Variants in SHROOM2 observed in about 807,000 individuals in gnomAD.
The protein encoded by SHROOM2 is protein Shroom2.
Under a neutral mutation model 75.9 loss-of-function variants are expected in SHROOM2, and 33 were observed. The ratio of observed to expected loss-of-function variants is 0.43; its 90% CI spans 0.33 to 0.58. The LOEUF is 0.58. Among genes scored for constraint, SHROOM2 ranks in the 20% least tolerant of loss-of-function variants. The pLI, the probability that SHROOM2 is intolerant of heterozygous loss-of-function variation, is 0.04. For missense variants in SHROOM2, 1,434 were observed against 1,461.2 expected (o/e 0.98, Z 0.30); for synonymous variants, 655 against 663.6 (o/e 0.99, Z 0.20).
At chrX:9,935,658 C>T (rs1469040960) in intron 6 of SHROOM2, among the ~76,000 whole-genome samples, 1 of 111,559 alleles carries the variant, frequency 9.0e-6, no homozygotes, top group Non-Finnish European at 1.9e-5. Context: ...TCATCTCAGC[C>T]TGAGCACCAC....
At position 9,947,982 on chromosome X, in the gene SHROOM2, G is replaced by T. The variant is rs1337433366; in HGVS notation, c.*1045G>T. On this transcript the variant is annotated 3_prime_UTR_variant, in exon 10 of 10. Transcript: ENST00000380913. ...TTAAAGATTCTATGCCCATTTCCTTGATTGAAATGGCAGGATTCTAAAGAG... is the reference window on the plus strand; with the variant it reads ...TTAAAGATTCTATGCCCATTTCCTTTATTGAAATGGCAGGATTCTAAAGAG... 1 of 112,222 alleles carries T rather than the reference G, an allele frequency of 8.9e-6. No individual in the cohort carries two copies. The highest frequency in any genetic ancestry group is 1.9e-5 in the Non-Finnish European group (1 of 53,282). The allele number at this position is 112,222 out of a possible 1,213,427, so 9.2% of individuals were successfully genotyped here. A position where few individuals can be genotyped will look rare whatever the true frequency, so the allele number is the denominator to read the frequency against.
Position 9,896,522 on chromosome X carries a change from A to C in SHROOM2, c.2614A>C (p.Thr872Pro). 1 of 1,210,726 alleles carries C rather than the reference A, an allele frequency of 8.3e-7. No homozygotes were observed. The highest frequency in any genetic ancestry group is 3.0e-5 in the East Asian group (1 of 33,822). The change falls in exon 4 of 10, where the codon ACC (threonine) becomes CCC (proline). Residue 872 changes from threonine (T) to proline (P), a missense_variant. Thr to Pro is a conservative substitution (Grantham distance 38). Around this residue, in one of 3 missense-constraint regions of SHROOM2, gnomAD observed 1,340 missense variants for 1,338.3 expected, o/e 1.00. Coordinates refer to ENST00000380913, the MANE Select transcript of SHROOM2 (RefSeq NM_001649.4). ...TTCAGACCTGCCGCGGAGGCTCGGC[A>C]CCTTTGCAGAGTATCAGGCCTCTTG... ...GTSDLPRRLG[T>P]FAEYQASWKE...
chrX:9,824,386 G>A (rs1197526683), intron 1 of SHROOM2, among the ~76,000 whole-genome samples: 1 of 111,133 alleles, frequency 9.0e-6, no homozygotes, highest in Non-Finnish European at 1.9e-5. Context: ...TGCAGTGAGC[G>A]GAGATCGCAC....
At chrX:9,927,315 A>C (rs1260424806) in intron 5 of SHROOM2, among the ~76,000 whole-genome samples, 4 of 88,025 alleles carry the variant, frequency 4.5e-5, no homozygotes, top group African/African-American at 1.7e-4. Flanking sequence ...ACGCTGCTGC[A>C]CTCCAGCCTG....
chrX:9,880,883 G>T (rs1026325968), intron 2 of SHROOM2, among the ~76,000 whole-genome samples: 1 of 111,670 alleles, frequency 9.0e-6, no homozygotes, highest in Non-Finnish European at 1.9e-5. Context: ...CTACGTCTTG[G>T]CTATCTGAAG....
At chrX:9,936,273 G>A (rs775765424) in intron 6 of SHROOM2, among the ~76,000 whole-genome samples, 6 of 109,460 alleles carry the variant, frequency 5.5e-5, no homozygotes, top group Admixed American at 2.9e-4. Flanking sequence ...CACCACACCC[G>A]GCTAATTTTT....
chrX:9,899,408 G>A (rs2084353656), intron 5 of SHROOM2, among the ~76,000 whole-genome samples: 1 of 111,766 alleles, frequency 8.9e-6, no homozygotes, highest in East Asian at 2.8e-4. Flanking sequence ...GTCCCCGGGT[G>A]TGGATTTTTC....
Position 9,912,242 on chromosome X carries a change from CACACACACAT to C in SHROOM2, c.2891+13954_2891+13963del, listed in dbSNP as rs1379630972. 5.9e-4 allele frequency among the ~76,000 whole-genome samples: 35 copies of C among 58,844 alleles called. 2 individuals are homozygous for C. Among genetic ancestry groups the C allele is most frequent in the African/African-American group, 2.3e-3 (35 of 15,511 alleles). 51.1% of individuals were successfully genotyped at this position (58,844 alleles called of 115,157 possible). On this transcript the variant is annotated intron_variant, in intron 5 of 9. Transcript: ENST00000380913. ...ACACACACACACACACACACACACACACACACACATAAAGGAAGACTGCCCCCCAAGCCTT... is the reference window on the plus strand; with the variant it reads ...ACACACACACACACACACACACACACAAAGGAAGACTGCCCCCCAAGCCTT...
At position 9,873,931 on chromosome X, in the gene SHROOM2, A is replaced by T. The variant is rs1460566128; in HGVS notation, c.317+128A>T. On this transcript the variant is annotated intron_variant, in intron 2 of 9. Transcript: ENST00000380913. ...GATTGGGACATGCACTTAGAGTTAT[A>T]TGTCTCGGCCAAGCATGGGCCCGGC... The T allele has an allele frequency of 4.5e-6, 3 of 673,556 alleles. No homozygotes were observed. The African/African-American group carries it at 6.6e-5, about 15-fold the overall frequency. The allele number at this position is 673,556 out of a possible 1,213,427, so 55.5% of individuals were successfully genotyped here.
intron 8 of SHROOM2, among the ~76,000 whole-genome samples, chrX:9,942,295 G>T (rs2084779050): frequency 8.9e-6 from 1 of 111,970 alleles, no homozygotes; most frequent in African/African-American, 3.2e-5. Context: ...ACATGTGTGA[G>T]GGGGGTTTCC....
chrX:9,819,339 G>A (rs2083839710), intron 1 of SHROOM2: 3 of 497,519 alleles, frequency 6.0e-6, no homozygotes, highest in Non-Finnish European at 7.1e-6. Flanking sequence ...CCAATTAAGC[G>A]CCTTTGCAGT....
chrX:9,917,696 T>G (rs2084503546), intron 5 of SHROOM2, among the ~76,000 whole-genome samples: 1 of 111,499 alleles, frequency 9.0e-6, no homozygotes, highest in African/African-American at 3.3e-5. Flanking sequence ...AATTTTTTTT[T>G]GTATTTTTAG....
rs147346721 is a variant in SHROOM2 at position 9,894,590 on chromosome X, G to T, written c.682G>T (p.Asp228Tyr). Residue 228 changes from aspartate to tyrosine, a missense_variant, in exon 4 of 10, where the codon GAC becomes TAC. By Grantham distance (160) the Asp-to-Tyr change is radical. This residue lies in a region of SHROOM2 where 1,340 missense variants were observed against 1,338.3 expected (regional missense o/e 1.00). Coordinates refer to ENST00000380913, the MANE Select transcript of SHROOM2 (RefSeq NM_001649.4). ...STPDHTLSKA[D>Y]TSSAENILYT... ...TCCTGACCACACCTTGTCCAAAGCCGACACGTCCTCCGCAGAGAACATCCT... is the reference window on the plus strand; with the variant it reads ...TCCTGACCACACCTTGTCCAAAGCCTACACGTCCTCCGCAGAGAACATCCT... The T allele has an allele frequency of 3.3e-6, 4 of 1,211,809 alleles. No individual in the cohort carries two copies. Among genetic ancestry groups the T allele is most frequent in the Admixed American group, 4.3e-5 (2 of 46,087 alleles).
chrX:9,898,059 A>G (rs1167063596), intron 4 of SHROOM2, 131 bp from the exon 5 acceptor site: 5 of 539,730 alleles, frequency 9.3e-6, no homozygotes, highest in South Asian at 2.5e-5. Context: ...GTCTTATTTC[A>G]GTCATCTCAA....
At chrX:9,891,893 G>GCA (rs1491235283) in intron 3 of SHROOM2, among the ~76,000 whole-genome samples, 1,207 of 109,022 alleles carry the variant, frequency 0.011, 17 homozygotes, top group African/African-American at 0.039. Flanking sequence ...GTGTGTGTGT[G>GCA]CGCGTGCGTG....
chrX:9,829,014 GTTTGTT>G (rs778773805), intron 1 of SHROOM2, among the ~76,000 whole-genome samples: 23 of 110,865 alleles, frequency 2.1e-4, no homozygotes, highest in African/African-American at 6.9e-4. Context: ...TCCTGGGGTT[GTTTGTT>G]TTTGTTTTTG....
At chrX:9,826,251 G>A (rs926625138) in intron 1 of SHROOM2, among the ~76,000 whole-genome samples, 3 of 112,269 alleles carry the variant, frequency 2.7e-5, no homozygotes, top group Non-Finnish European at 5.6e-5. Flanking sequence ...AAGCGGGTCT[G>A]TGGTCATCCG....
At chrX:9,836,326 A>G (rs1020956030) in intron 1 of SHROOM2, among the ~76,000 whole-genome samples, 1 of 111,738 alleles carries the variant, frequency 8.9e-6, no homozygotes, top group African/African-American at 3.3e-5. Context: ...GCAGGGCCTC[A>G]GAGATTGCTG....
At chrX:9,854,185 A>C (rs2084054597) in intron 1 of SHROOM2, among the ~76,000 whole-genome samples, 1 of 112,905 alleles carries the variant, frequency 8.9e-6, no homozygotes, top group South Asian at 3.6e-4. Context: ...TTTAAGTTAG[A>C]GATTCTGCCA....
Sources: allele counts gnomAD v4.1 joint callset (sites outside exome capture counted in the v4.1 genomes callset), GRCh38; gene constraint gnomAD v4.1.1; regional missense constraint gnomAD v4.1.1; transcripts MANE v1.5; gene names NCBI Gene and HGNC (gene_info 2026-07-23, HGNC 2026-07-21).